ATG7: variants seen among roughly 807,000 people sequenced by gnomAD.
The protein encoded by ATG7 is autophagy related 7.
ATG7 carries 70 observed loss-of-function variants against 82.4 expected under a neutral mutation model. The observed-to-expected ratio is 0.85, with a 90% confidence interval of 0.70 to 1.04. ATG7 has a LOEUF of 1.04. Among genes scored for constraint, ATG7 ranks in the 50% least tolerant of loss-of-function variants. The pLI is 0.00. For synonymous variants in ATG7, 287 were observed against 313.0 expected, an observed-to-expected ratio of 0.92 and a Z score of 0.88; for missense variants, 792 against 864.3, an observed-to-expected ratio of 0.92 and a Z score of 1.05.
intron 11 of ATG7, 63 bp from the exon 12 acceptor site, chr3:11,340,582 G>T (rs575362968): frequency 1.4e-6 from 2 of 1,434,606 alleles, no homozygotes; most frequent in South Asian, 1.2e-5. Flanking sequence ...TAAGGTCGTT[G>T]CTTGATCTGC....
chr3:11,518,344 G>A (rs1053068068), intron 20 of ATG7, among the ~76,000 whole-genome samples: 2 of 152,102 alleles, frequency 1.3e-5, no homozygotes, highest in African/African-American at 2.4e-5. Flanking sequence ...CAAAGAGATC[G>A]AGACCAGCTT....
chr3:11,397,565 C>G (rs1373917117), intron 19 of ATG7, among the ~76,000 whole-genome samples: 1 of 151,930 alleles, frequency 6.6e-6, no homozygotes, highest in South Asian at 2.1e-4. Context: ...TCAAATGATT[C>G]TCCTGCCTCA....
chr3:11,364,788 T>A, intron 18 of ATG7, 54 bp downstream of exon 18: 1 of 1,587,490 alleles, frequency 6.3e-7, no homozygotes, highest in South Asian at 1.1e-5. Context: ...GGAAAGCATG[T>A]GGGGTCTCTT....
Position 11,366,657 on chromosome 3 carries a change from C to G in ATG7, c.1875+1923C>G, listed in dbSNP as rs185154708. Among the ~76,000 whole-genome samples the G allele has an allele frequency of 1.5e-3, 234 of 152,256 alleles. 2 individuals carry two copies. The highest frequency in any genetic ancestry group is 1.5e-3 in the East Asian group (8 of 5,182). On this transcript the variant is annotated intron_variant, in intron 18 of 20. Coordinates refer to ENST00000693202, the MANE Select transcript of ATG7 (RefSeq NM_001349232.2). ...TTCAGTCATGCCCCTGCACTGGTTT[C>G]CTTCTTTAAGTCCTTTATGTTAAAT...
At chr3:11,501,547 A>AT (rs370992506) in intron 20 of ATG7, among the ~76,000 whole-genome samples, 3 of 4,494 alleles carry the variant, frequency 6.7e-4, no homozygotes, top group African/African-American at 3.0e-3. Flanking sequence ...AATGATATTA[A>AT]TAGATAGGTG....
rs908457065 is a variant in ATG7 at position 11,557,620 on chromosome 3, A to G, written c.*2777A>G. 4 of 152,804 alleles carry G rather than the reference A, an allele frequency of 2.6e-5. No homozygotes were observed. The highest frequency in any genetic ancestry group is 9.6e-5 in the African/African-American group (4 of 41,482). 9.5% of individuals were successfully genotyped at this position (152,804 alleles called of 1,614,324 possible). A position where few individuals can be genotyped will look rare whatever the true frequency, so the allele number is the denominator to read the frequency against. On this transcript the variant is annotated 3_prime_UTR_variant, in exon 21 of 21. Transcript: ENST00000693202. ...GAGTACAACTGTACCAGCAGTAAGTATATCTAGGACTGTAACTGACAAAAA... is the reference window on the plus strand; with the variant it reads ...GAGTACAACTGTACCAGCAGTAAGTGTATCTAGGACTGTAACTGACAAAAA...
chr3:11,461,971 C>A (rs2086350911), intron 20 of ATG7, among the ~76,000 whole-genome samples: 1 of 151,848 alleles, frequency 6.6e-6, no homozygotes, highest in Non-Finnish European at 1.5e-5. Flanking sequence ...GCAGAGCTTG[C>A]AGTGAGCCGA....
intron 20 of ATG7, among the ~76,000 whole-genome samples, chr3:11,466,951 G>A (rs2086885433): frequency 6.6e-6 from 1 of 152,114 alleles, no homozygotes; most frequent in South Asian, 2.1e-4. Flanking sequence ...CTAACATGGT[G>A]AAACCCCATC....
At chr3:11,509,825 T>G (rs1051396930) in intron 20 of ATG7, among the ~76,000 whole-genome samples, 5 of 152,180 alleles carry the variant, frequency 3.3e-5, no homozygotes, top group Non-Finnish European at 5.9e-5. Context: ...ACTCAGTTGC[T>G]CCAGTGGTGT....
At chr3:11,334,403 C>A (rs1286680766) in intron 11 of ATG7, among the ~76,000 whole-genome samples, 2 of 151,836 alleles carry the variant, frequency 1.3e-5, no homozygotes, top group African/African-American at 4.8e-5. Flanking sequence ...CGCCACCATG[C>A]CCAGCTAATA....
At chr3:11,378,709 A>T (rs1196433246) in intron 18 of ATG7, among the ~76,000 whole-genome samples, 1 of 137,064 alleles carries the variant, frequency 7.3e-6, no homozygotes, top group Non-Finnish European at 1.6e-5. Flanking sequence ...AAAAAAAAAA[A>T]TTGCTGTAGG....
intron 20 of ATG7, among the ~76,000 whole-genome samples, chr3:11,475,872 C>CACACACACACAG (rs1175416454): frequency 7.0e-6 from 1 of 142,642 alleles, no homozygotes; most frequent in East Asian, 2.0e-4. Flanking sequence ...CTCTGAGACA[C>CACACACACACAG]ACACACACAC....
chr3:11,331,902 A>G (rs527491476), intron 10 of ATG7, among the ~76,000 whole-genome samples: 5 of 152,356 alleles, frequency 3.3e-5, no homozygotes, highest in African/African-American at 1.2e-4. Context: ...CATATCCACC[A>G]AAAGTATTTA....
chr3:11,297,661 T>C (rs1946164770), intron 3 of ATG7, among the ~76,000 whole-genome samples: 1 of 152,154 alleles, frequency 6.6e-6, no homozygotes, highest in South Asian at 2.1e-4. Context: ...AAAATTTCCA[T>C]GCATTGAAAA....
Position 11,392,834 on chromosome 3 carries a change from G to A in ATG7, c.1956+12782G>A, listed in dbSNP as rs553234992. On this transcript the variant is annotated intron_variant, in intron 19 of 20. Coordinates refer to ENST00000693202, the MANE Select transcript of ATG7 (RefSeq NM_001349232.2). ...TGTTTGTTTGGTAGAAACTGGTAAC[G>A]TCCTATATTAGAAGTTATGCTACCA... Among the ~76,000 whole-genome samples, 6 of 152,258 alleles carry A rather than the reference G, an allele frequency of 3.9e-5. 1 individual carries two copies. The highest frequency in any genetic ancestry group is 1.2e-4 in the African/African-American group (5 of 41,530).
intron 14 of ATG7, among the ~76,000 whole-genome samples, chr3:11,352,758 G>C (rs1268517888): frequency 2.0e-5 from 3 of 152,186 alleles, no homozygotes; most frequent in African/African-American, 7.2e-5. Flanking sequence ...AGGAAATATA[G>C]AAGAGCAGGA....
At position 11,557,031 on chromosome 3, in the gene ATG7, CA is replaced by C. The variant is rs2072490257; in HGVS notation, c.*2191del. On this transcript the variant is annotated 3_prime_UTR_variant, in exon 21 of 21. Transcript: ENST00000693202. ...GGGGTCATACGGTGTGCAGAGTCCA[CA>C]AAGCCTTGCAGGTGAGGTGACCACG... The C allele has an allele frequency of 6.6e-6, 1 of 152,482 alleles. No homozygotes were observed. The highest frequency in any genetic ancestry group is 1.5e-5 in the Non-Finnish European group (1 of 68,052). The allele number at this position is 152,482 out of a possible 1,614,324, so 9.4% of individuals were successfully genotyped here. A position where few individuals can be genotyped will look rare whatever the true frequency, so the allele number is the denominator to read the frequency against.
chr3:11,451,764 G>A (rs62245896), intron 20 of ATG7, among the ~76,000 whole-genome samples: 1 of 141,118 alleles, frequency 7.1e-6, no homozygotes, highest in Non-Finnish European at 1.5e-5. Flanking sequence ...AATATTACGT[G>A]TATATATATG....
chr3:11,502,553 C>T (rs1345978091), intron 20 of ATG7, among the ~76,000 whole-genome samples: 2 of 151,508 alleles, frequency 1.3e-5, no homozygotes, highest in East Asian at 1.9e-4. Context: ...AGGACGTGAA[C>T]TCATCATTTT....
Sources: allele counts gnomAD v4.1 joint callset (sites outside exome capture counted in the v4.1 genomes callset), GRCh38; gene constraint gnomAD v4.1.1; transcripts MANE v1.5; gene names NCBI Gene and HGNC (gene_info 2026-07-23, HGNC 2026-07-21).